The following ASB11 variants were observed in gnomAD, a reference collection of about 807,000 sequenced individuals.
ASB11 encodes the protein ankyrin repeat and SOCS box containing 11, also known as ankyrin repeat and SOCS box protein 11.
In ASB11, 17 loss-of-function variants were observed where a neutral mutation model predicts 20.1. The observed-to-expected ratio is 0.85, with a 90% CI of 0.58 to 1.27. The LOEUF is 1.27. Among genes scored for constraint, ASB11 ranks in the 50% most tolerant of loss-of-function variants. The pLI, the probability that ASB11 is intolerant of heterozygous loss-of-function variation, is 0.00. For synonymous variants in ASB11, 107 were observed against 105.6 expected (o/e 1.01, Z -0.08); for missense variants, 259 against 256.9 (o/e 1.01, Z -0.06).
In ASB11 at chrX:15,282,045, G is replaced by C. The variant is rs1927196128; in HGVS notation, c.*1460C>G. ...GCTCCTGTGCACTGTAGGGTGATTA[G>C]CTGCATCCCTGATCTCCACCGTCTA... On this transcript the variant is annotated 3_prime_UTR_variant, in exon 7 of 7. Coordinates refer to ENST00000480796, the MANE Select transcript of ASB11 (RefSeq NM_080873.3). The C allele has an allele frequency of 1.8e-5, 2 of 111,175 alleles. No individual in the cohort carries two copies. The highest frequency in any genetic ancestry group is 9.6e-5 in the Admixed American group (1 of 10,419). The allele number at this position is 111,175 out of a possible 1,213,427, so 9.2% of individuals were successfully genotyped here.
chrX:15,284,854 T>G (rs1203021693), intron 6 of ASB11, among the ~76,000 whole-genome samples: 4 of 112,036 alleles, frequency 3.6e-5, no homozygotes, highest in African/African-American at 1.3e-4. Context: ...TTCAAAAAAA[T>G]CCACTGTAAC....
intron 1 of ASB11, among the ~76,000 whole-genome samples, chrX:15,310,110 C>T (rs1921383089): frequency 1.8e-5 from 2 of 110,219 alleles, no homozygotes; most frequent in African/African-American, 6.6e-5. Flanking sequence ...TCACACAGAA[C>T]CCTTTTCCAG....
chrX:15,289,548 C>T lies in ASB11; in HGVS notation c.611G>A (p.Cys204Tyr), dbSNP rs1190759111. 1 of 1,209,230 alleles carries T rather than the reference C, an allele frequency of 8.3e-7. No individual in the cohort carries two copies. The highest frequency in any genetic ancestry group is 1.1e-6 in the Non-Finnish European group (1 of 893,382). Reference protein sequence around the residue: ...PQLGTPLYVACTYQRVDCVKK... With the variant: ...PQLGTPLYVAYTYQRVDCVKK... ...CACACAGTCTACCCTCTGGTAGGTG[C>T]AGGCCACATATAGGGGAGTTCCGAG... The change falls in exon 5 of 7, where the codon TGC (cysteine) becomes TAC (tyrosine). Residue 204 changes from cysteine to tyrosine, a missense_variant. By Grantham distance (194) the Cys-to-Tyr change is radical (BLOSUM62 -2). Coordinates refer to ENST00000480796, the MANE Select transcript of ASB11 (RefSeq NM_080873.3).
chrX:15,289,733 A>G, intron 4 of ASB11, 95 bp from the exon 5 acceptor site: 1 of 1,038,770 alleles, frequency 9.6e-7, no homozygotes, highest in Non-Finnish European at 1.3e-6. Context: ...TTTAGAAATA[A>G]CCTAGGTTGG....
rs1000060589 is a variant in ASB11 at position 15,282,199 on chromosome X, A to C, written c.*1306T>G. On this transcript the variant is annotated 3_prime_UTR_variant, in exon 7 of 7. Transcript: ENST00000480796. Reference sequence around the variant, plus strand: ...CAAAGGTCTAGAAAAATTGGGGGAAAAAAAAACATGTGTGAAATGAGTCTT... The same window carrying C: ...CAAAGGTCTAGAAAAATTGGGGGAACAAAAAACATGTGTGAAATGAGTCTT... 2 of 111,617 alleles carry C rather than the reference A, an allele frequency of 1.8e-5. No homozygotes were observed. Among genetic ancestry groups the C allele is most frequent in the African/African-American group, 3.3e-5 (1 of 30,680 alleles). The allele number at this position is 111,617 out of a possible 1,213,427, so 9.2% of individuals were successfully genotyped here. A position where few individuals can be genotyped will look rare whatever the true frequency, so the allele number is the denominator to read the frequency against.
At chrX:15,296,002 G>A (rs1056039109) in intron 3 of ASB11, among the ~76,000 whole-genome samples, 6 of 112,416 alleles carry the variant, frequency 5.3e-5, no homozygotes, top group African/African-American at 1.9e-4. Context: ...AGCACTTTGG[G>A]AGGCCAAGGC....
intron 6 of ASB11, among the ~76,000 whole-genome samples, chrX:15,285,200 G>C (rs912119091): frequency 9.8e-6 from 1 of 102,110 alleles, no homozygotes; most frequent in Admixed American, 1.1e-4. Context: ...GAAATGCAGT[G>C]GTTCAATCTC....
At chrX:15,285,592 G>C (rs1442669583) in intron 6 of ASB11, among the ~76,000 whole-genome samples, 1 of 112,207 alleles carries the variant, frequency 8.9e-6, no homozygotes. Context: ...ATAAACTATA[G>C]TCTCTGCTAA....
intron 1 of ASB11, among the ~76,000 whole-genome samples, chrX:15,313,364 A>C (rs1921499493): frequency 9.1e-6 from 1 of 110,301 alleles, no homozygotes; most frequent in African/African-American, 3.3e-5. Context: ...GTGCCACTGA[A>C]CTCCAGCCTG....
chrX:15,292,553 G>C (rs765415719), intron 4 of ASB11, among the ~76,000 whole-genome samples: 1 of 111,918 alleles, frequency 8.9e-6, no homozygotes, highest in South Asian at 3.7e-4. Flanking sequence ...GAAATTAACT[G>C]ACAACACAGG....
At chrX:15,308,545 T>C (rs1381131756) in intron 1 of ASB11, among the ~76,000 whole-genome samples, 1 of 111,383 alleles carries the variant, frequency 9.0e-6, no homozygotes, top group Non-Finnish European at 1.9e-5. Context: ...TATCTAAACT[T>C]GTATTGCTCC....
In ASB11 at chrX:15,315,513, A is replaced by C; in HGVS notation, c.93T>G (p.Phe31Leu). 2 of 1,196,863 alleles carry C rather than the reference A, an allele frequency of 1.7e-6. No individual in the cohort carries two copies. The highest frequency in any genetic ancestry group is 1.1e-6 in the Non-Finnish European group (1 of 889,020). Reference protein sequence around the residue: ...FFFFKLLIKVFLALLTHFYIV... With the variant: ...FFFFKLLIKVLLALLTHFYIV... Reference sequence around the variant, plus strand: ...TATAGAAATGGGTTAGGAGAGCCAAAAAAACTTTAATTAAAAGCTTAAAGA... The same window carrying C: ...TATAGAAATGGGTTAGGAGAGCCAACAAAACTTTAATTAAAAGCTTAAAGA... The change falls in exon 1 of 7, where the codon TTT becomes TTG. Residue 31 changes from phenylalanine (F) to leucine (L), a missense_variant. Phe to Leu is a conservative substitution (Grantham distance 22). Coordinates refer to ENST00000480796, the MANE Select transcript of ASB11 (RefSeq NM_080873.3).
At position 15,291,735 on chromosome X, in the gene ASB11, T is replaced by TA. The variant is rs1164831765; in HGVS notation, c.520+1434dup. ...AAATAAAAAAAAAATTTAAAAAAAT[T>TA]AAAAAAAAAAGACTTATATGGCTGA... is the stretch of plus-strand genomic sequence containing the variant. On this transcript the variant is annotated intron_variant, in intron 4 of 6. Transcript: ENST00000480796. Among the ~76,000 whole-genome samples the TA allele has an allele frequency of 3.7e-3, 367 of 97,973 alleles. 3 individuals carry two copies. The highest frequency in any genetic ancestry group is 0.012 in the African/African-American group (338 of 27,114). The allele number at this position is 97,973 out of a possible 115,157, so 85.1% of individuals were successfully genotyped here. A position where few individuals can be genotyped will look rare whatever the true frequency, so the allele number is the denominator to read the frequency against.
chrX:15,285,145 T>C (rs1262808267), intron 6 of ASB11, among the ~76,000 whole-genome samples: 2 of 102,786 alleles, frequency 1.9e-5, no homozygotes, highest in African/African-American at 3.6e-5. Context: ...TCTTTCTTTT[T>C]TTTTTTTTTT....
chrX:15,302,536 A>G (rs1387720591), intron 2 of ASB11, among the ~76,000 whole-genome samples, 192 bp downstream of exon 2: 1 of 110,748 alleles, frequency 9.0e-6, no homozygotes, highest in Non-Finnish European at 1.9e-5. Context: ...CTGGGCTGAA[A>G]ATGAAGGAGC....
intron 1 of ASB11, chrX:15,314,578 A>G: frequency 1.0e-6 from 1 of 999,088 alleles, no homozygotes; most frequent in Non-Finnish European, 1.3e-6. Context: ...GGAATCACAT[A>G]AGACTATTTT....
At chrX:15,284,138 G>C (rs1406359676) in intron 6 of ASB11, among the ~76,000 whole-genome samples, 1 of 106,496 alleles carries the variant, frequency 9.4e-6, no homozygotes, top group African/African-American at 3.5e-5. Context: ...TATAGTCCCA[G>C]CTACTCGGGA....
intron 1 of ASB11, chrX:15,314,522 G>A (rs1437375422): frequency 8.5e-7 from 1 of 1,175,064 alleles, no homozygotes; most frequent in East Asian, 3.0e-5. Context: ...TATTTCTTTA[G>A]ATAAGACTGC....
intron 4 of ASB11, chrX:15,290,096 G>C (rs1414970692): frequency 8.7e-6 from 1 of 114,342 alleles, no homozygotes; most frequent in Non-Finnish European, 1.8e-5. Flanking sequence ...TTTTGTGTTT[G>C]TTTTTGGAAA....
Sources: allele counts gnomAD v4.1 joint callset (sites outside exome capture counted in the v4.1 genomes callset), GRCh38; gene constraint gnomAD v4.1.1; transcripts MANE v1.5; gene names NCBI Gene and HGNC (gene_info 2026-07-23, HGNC 2026-07-21).